Variants in ABHD2 observed in about 807,000 individuals in gnomAD.
ABHD2 encodes abhydrolase domain containing 2, acylglycerol lipase, also known as monoacylglycerol lipase ABHD2.
In ABHD2, 20 loss-of-function variants were observed where a neutral mutation model predicts 48.1. The observed-to-expected ratio is 0.42, with a 90% CI of 0.29 to 0.60. The LOEUF is 0.60. Among genes scored for constraint, ABHD2 ranks in the 20% least tolerant of loss-of-function variants. The probability of loss-of-function intolerance (pLI) is 0.24; values close to 1 mark genes in which losing one functional copy is unlikely to be tolerated. For missense variants in ABHD2, 405 were observed against 550.9 expected, an observed-to-expected ratio of 0.74 and a Z score of 2.65; for synonymous variants, 209 against 214.2, an observed-to-expected ratio of 0.98 and a Z score of 0.21.
At chr15:89,056,505 T>C in the ABHD2 span, among the ~76,000 whole-genome samples, 4 of 152,000 alleles carry the variant, frequency 2.6e-5, no homozygotes, top group African/African-American at 9.7e-5. Flanking sequence ...TAGCCAGGCA[T>C]GGTGGCAGGT....
chr15:89,108,297 C>T (rs1402492314), intron 1 of ABHD2, among the ~76,000 whole-genome samples: 5 of 152,164 alleles, frequency 3.3e-5, no homozygotes. Flanking sequence ...CTGATGGTTG[C>T]CAGCCATCCT....
At chr15:89,068,703 G>A in the ABHD2 span, among the ~76,000 whole-genome samples, 1 of 148,054 alleles carries the variant, frequency 6.8e-6, no homozygotes, top group East Asian at 2.1e-4. Flanking sequence ...TATTGGTCAA[G>A]GTTACAGAGT....
rs1349211719 is a variant in ABHD2 at position 89,179,002 on chromosome 15, T to C, written c.722+3007T>C. ...TTTATTGCAGTTTGGGTGTAAAAGA[T>C]AGTCTGTATCTGAGGACCTCACAGC... On this transcript the variant is annotated intron_variant, in intron 6 of 10. Transcript: ENST00000352732. This position sits in a 1 kb window ranked among gnomAD's most constrained non-coding sequence, Gnocchi z 4.3. Among the ~76,000 whole-genome samples the C allele has an allele frequency of 6.6e-6, 1 of 152,164 alleles. No homozygotes were observed. The highest frequency in any genetic ancestry group is 2.4e-5 in the African/African-American group (1 of 41,440).
Position 89,193,252 on chromosome 15 carries a change from G to A in ABHD2, c.1014G>A (p.Met338Ile). 1 of 1,614,182 alleles carries A rather than the reference G, an allele frequency of 6.2e-7. No individual in the cohort carries two copies. The highest frequency in any genetic ancestry group is 8.5e-7 in the Non-Finnish European group (1 of 1,180,026). Residue 338 changes from methionine (M) to isoleucine (I), a missense_variant, in exon 10 of 11, where the codon ATG becomes ATA. By Grantham distance (10) the Met-to-Ile change is conservative. Coordinates refer to ENST00000352732, the MANE Select transcript of ABHD2 (RefSeq NM_152924.5). ...TGTTGCAGATTTATGTTCCTCTCAT[G>A]CTGGTTAATGCAGCTGACGATCCGT... ...RYLHRIYVPL[M>I]LVNAADDPLV...
At chr15:89,193,186 C>A (rs776579718) in intron 9 of ABHD2, 49 bp from the exon 10 acceptor site, 1 of 1,573,170 alleles carries the variant, frequency 6.4e-7, no homozygotes, top group Admixed American at 1.7e-5. Context: ...TCGATGGGGT[C>A]TGAAAATGGG....
rs1451633135 is a variant in ABHD2, at chr15:89,106,040, G to A, written c.-106-7685G>A. Among the ~76,000 whole-genome samples, 2 of 152,170 alleles carry A rather than the reference G, an allele frequency of 1.3e-5. No homozygotes were observed. The highest frequency in any genetic ancestry group is 2.9e-5 in the Non-Finnish European group (2 of 68,028). ...TTAAAACCCAGAGTATTGGCCAGGT[G>A]CAGTAGCTCACGCCTGTAATTCCAG... On this transcript the variant is annotated intron_variant, in intron 1 of 10. Transcript: ENST00000352732. The surrounding 1 kb of genome is among the most constrained non-coding windows in gnomAD (Gnocchi z 4.2).
At chr15:89,150,527 C>T (rs1203621067) in intron 3 of ABHD2, among the ~76,000 whole-genome samples, 2 of 152,144 alleles carry the variant, frequency 1.3e-5, no homozygotes, top group Non-Finnish European at 2.9e-5. Context: ...TACTCTTTCC[C>T]CTCCTCCCCT....
chr15:89,049,735 G>A, the ABHD2 span, among the ~76,000 whole-genome samples: 1 of 152,184 alleles, frequency 6.6e-6, no homozygotes, highest in African/African-American at 2.4e-5. Context: ...GCAATGCCTC[G>A]CCCTGCTTTG....
chr15:89,145,196 C>A (rs2050470943), intron 3 of ABHD2, among the ~76,000 whole-genome samples: 1 of 152,196 alleles, frequency 6.6e-6, no homozygotes, highest in African/African-American at 2.4e-5. Context: ...GTGAAGGTTG[C>A]AGTGAGCCGA....
Position 89,188,034 on chromosome 15 carries a change from C to T in ABHD2, c.816-159C>T, listed in dbSNP as rs898680762. Among the ~76,000 whole-genome samples the T allele has an allele frequency of 2.0e-5, 3 of 152,222 alleles. No homozygotes were observed. The highest frequency in any genetic ancestry group is 4.8e-5 in the African/African-American group (2 of 41,460). ...GGAAATAAGGTTTTGACATTAACAG[C>T]GCCAGCTCATCCTCTGGGACATTCC... is the stretch of plus-strand genomic sequence containing the variant. On this transcript the variant is annotated intron_variant, in intron 7 of 10. Transcript: ENST00000352732. The surrounding 1 kb of genome is among the most constrained non-coding windows in gnomAD (Gnocchi z 4.1).
intron 10 of ABHD2, among the ~76,000 whole-genome samples, chr15:89,193,645 A>G (rs1372440777): frequency 6.6e-6 from 1 of 152,160 alleles, no homozygotes. Flanking sequence ...TGACATAAAG[A>G]GATATTTAGA....
the ABHD2 span, among the ~76,000 whole-genome samples, chr15:89,043,958 T>A: frequency 6.6e-6 from 1 of 151,956 alleles, no homozygotes; most frequent in Non-Finnish European, 1.5e-5. Context: ...AATGTGCAGG[T>A]TAGTTACATA....
rs1237245408 is a variant in ABHD2 at position 89,183,379 on chromosome 15, AAAAAAATATATATAT to A, written c.723-2043_723-2029del. 67 of 72,258 alleles carry A rather than the reference AAAAAAATATATATAT, an allele frequency of 9.3e-4. 2 individuals carry two copies. The highest frequency in any genetic ancestry group is 5.5e-3 in the African/African-American group (64 of 11,590). The allele number at this position is 72,258 out of a possible 1,614,324, so 4.5% of individuals were successfully genotyped here. On this transcript the variant is annotated intron_variant, in intron 6 of 10. Coordinates refer to ENST00000352732, the MANE Select transcript of ABHD2 (RefSeq NM_152924.5). ...ACATCAGTCCTTTTCAAAAAAAAAA[AAAAAAATATATATAT>A]ATATATATATATATATATATATGAG...
upstream of ABHD2, among the ~76,000 whole-genome samples, chr15:89,083,589 G>A (rs550051021): frequency 1.2e-4 from 19 of 152,210 alleles, no homozygotes; most frequent in South Asian, 3.9e-3. This position sits in a 1 kb window ranked among gnomAD's most constrained non-coding sequence, Gnocchi z 5.1. Context: ...CAACCAAATT[G>A]GGACTATTTG....
chr15:89,176,081 G>T lies in ABHD2; in HGVS notation c.722+86G>T, dbSNP rs1300393695. ...GACGCACAACACACTGTTCTGTGAA[G>T]ACCGGGGAACACTGTGGCCGACTGA... On this transcript the variant is annotated intron_variant, in intron 6 of 10. Coordinates refer to ENST00000352732, the MANE Select transcript of ABHD2 (RefSeq NM_152924.5). The surrounding 1 kb of genome is among the most constrained non-coding windows in gnomAD (Gnocchi z 4.5). 2.2e-6 allele frequency: 3 copies of T among 1,386,282 alleles called. No homozygotes were observed. The African/African-American group carries it at 4.4e-5, about 20-fold the overall frequency. 85.9% of individuals were successfully genotyped at this position (1,386,282 alleles called of 1,614,324 possible).
At chr15:89,136,553 C>G in intron 3 of ABHD2, 1 of 305,444 alleles carries the variant, frequency 3.3e-6, no homozygotes. Context: ...CTGGCTCTCA[C>G]TTGCCCCAGT....
intron 3 of ABHD2, among the ~76,000 whole-genome samples, chr15:89,150,545 A>C (rs2050574441): frequency 6.6e-6 from 1 of 152,186 alleles, no homozygotes; most frequent in Non-Finnish European, 1.5e-5. Context: ...CCTCCCCCGA[A>C]AAGGAAGCTT....
At chr15:89,178,116 C>G (rs942814697) in intron 6 of ABHD2, among the ~76,000 whole-genome samples, 9 of 152,250 alleles carry the variant, frequency 5.9e-5, no homozygotes, top group African/African-American at 2.2e-4. Flanking sequence ...ACACCAACCT[C>G]ATGCAACAAA....
Position 89,155,519 on chromosome 15 carries a change from C to T in ABHD2, c.523C>T (p.Arg175Cys). The T allele has an allele frequency of 1.2e-6, 2 of 1,613,412 alleles. No individual in the cohort carries two copies. The highest frequency in any genetic ancestry group is 1.7e-6 in the Non-Finnish European group (2 of 1,179,410). ...GCCCAACATTGAATTGACCTCGCCACGCATGTTCACCTATGGTAAGCATGG... is the reference window on the plus strand; with the variant it reads ...GCCCAACATTGAATTGACCTCGCCATGCATGTTCACCTATGGTAAGCATGG... The part of the protein sequence containing the change: ...ALPNIELTSP[R>C]MFTYGCTWEF... The change falls in exon 5 of 11, where the codon CGC (arginine) becomes TGC (cysteine). Residue 175 changes from arginine to cysteine, a missense_variant. By Grantham distance (180) the Arg-to-Cys change is radical. Transcript: ENST00000352732. The surrounding 1 kb of genome is among the most constrained non-coding windows in gnomAD (Gnocchi z 4.9).
Sources: allele counts gnomAD v4.1 joint callset (sites outside exome capture counted in the v4.1 genomes callset), GRCh38; gene constraint gnomAD v4.1.1; non-coding constraint Gnocchi (gnomAD v3.1); transcripts MANE v1.5; gene names NCBI Gene and HGNC (gene_info 2026-07-23, HGNC 2026-07-21).